The following PPFIA4 variants were observed in gnomAD, a reference collection of about 807,000 sequenced individuals.
The protein encoded by PPFIA4 is liprin-alpha-4.
In PPFIA4, 98 loss-of-function variants were observed where a neutral mutation model predicts 145.7. The ratio of observed to expected loss-of-function variants is 0.67; its 90% CI spans 0.57 to 0.80. The LOEUF is 0.80. Ranked by LOEUF, PPFIA4 falls within the 30% of genes least tolerant of loss-of-function variation. The probability of loss-of-function intolerance (pLI) is 0.00; values close to 1 mark genes in which losing one functional copy is unlikely to be tolerated. For synonymous variants in PPFIA4, 628 were observed against 649.6 expected, an observed-to-expected ratio of 0.97 and a Z score of 0.51; for missense variants, 1,457 against 1,632.7, an observed-to-expected ratio of 0.89 and a Z score of 1.85.
intron 26 of PPFIA4, 51 bp downstream of exon 26, chr1:203,067,843 C>A: frequency 6.4e-7 from 1 of 1,557,126 alleles, no homozygotes; most frequent in Non-Finnish European, 8.8e-7. Flanking sequence ...CTTGGCTGGT[C>A]CCTGCCTTGG....
At chr1:203,061,090 G>A (rs1188327162) in intron 23 of PPFIA4, 58 bp downstream of exon 23, 1 of 1,511,600 alleles carries the variant, frequency 6.6e-7, no homozygotes, top group Non-Finnish European at 9.2e-7. Context: ...ATACTCCCAT[G>A]AGGATGAGGG....
chr1:203,067,472 C>T (rs373342463), intron 25 of PPFIA4: 7 of 507,382 alleles, frequency 1.4e-5, no homozygotes, highest in African/African-American at 7.7e-5. Context: ...CCCAGGCCCG[C>T]TCCCTGACTG....
intron 23 of PPFIA4, 193 bp from the exon 24 acceptor site, chr1:203,061,459 G>GCC (rs927912811): frequency 1.8e-6 from 1 of 562,428 alleles, no homozygotes; most frequent in Non-Finnish European, 3.1e-6. Context: ...ACACACATTT[G>GCC]CCCCACCTCA....
Position 203,076,480 on chromosome 1 carries a change from C to A in PPFIA4, c.*90C>A. 7.7e-7 allele frequency: 1 copy of A among 1,294,194 alleles called. No individual in the cohort carries two copies. Among genetic ancestry groups the A allele is most frequent in the Non-Finnish European group, 1.1e-6 (1 of 905,090 alleles). The allele number at this position is 1,294,194 out of a possible 1,614,324, so 80.2% of individuals were successfully genotyped here. On this transcript the variant is annotated 3_prime_UTR_variant, in exon 30 of 30. Transcript: ENST00000295706. Reference sequence around the variant, plus strand: ...TTGCTCGTTCCCCTTCCTTCCGCAGCTCCTAGTCTCGTCCGTGACTTTCCG... The same window carrying A: ...TTGCTCGTTCCCCTTCCTTCCGCAGATCCTAGTCTCGTCCGTGACTTTCCG...
At position 203,077,460 on chromosome 1, in the gene PPFIA4, G is replaced by A. The variant is rs1436921717; in HGVS notation, c.*1070G>A. On this transcript the variant is annotated 3_prime_UTR_variant, in exon 30 of 30. Transcript: ENST00000295706. The stretch of plus-strand genomic sequence containing the variant: ...GCCCAAAGTCAAGTTTGGGGAAAAG[G>A]CAGACTAAGGCCTCCTTTCTCTGAC... 1 of 152,214 alleles carries A rather than the reference G, an allele frequency of 6.6e-6. No individual in the cohort carries two copies. Among genetic ancestry groups the A allele is most frequent in the Non-Finnish European group, 1.5e-5 (1 of 68,034 alleles). The allele number at this position is 152,214 out of a possible 1,614,324, so 9.4% of individuals were successfully genotyped here. A position where few individuals can be genotyped will look rare whatever the true frequency, so the allele number is the denominator to read the frequency against.
intron 29 of PPFIA4, chr1:203,076,123 C>T: frequency 3.3e-6 from 2 of 610,268 alleles, no homozygotes; most frequent in Non-Finnish European, 5.7e-6. Context: ...TGCTGGCCCT[C>T]GGCCCCACGC....
At chr1:203,063,684 G>T in intron 24 of PPFIA4, 144 bp from the exon 25 acceptor site, 1 of 745,642 alleles carries the variant, frequency 1.3e-6, no homozygotes, top group Non-Finnish European at 2.2e-6. Context: ...CCTTATTGAA[G>T]ATAAACTGAA....
At position 203,076,910 on chromosome 1, in the gene PPFIA4, T is replaced by G. The variant is rs141906918; in HGVS notation, c.*520T>G. Reference sequence around the variant, plus strand: ...CCAGCATCACCACTCTCCCAACCCATCACCGTGACTGCAGTTCCTGCCCCC... The same window carrying G: ...CCAGCATCACCACTCTCCCAACCCAGCACCGTGACTGCAGTTCCTGCCCCC... On this transcript the variant is annotated 3_prime_UTR_variant, in exon 30 of 30. Coordinates refer to ENST00000295706, the MANE Select transcript of PPFIA4 (RefSeq NM_001304331.2). The G allele has an allele frequency of 5.4e-3, 842 of 156,832 alleles. 7 individuals carry two copies. Among genetic ancestry groups the G allele is most frequent in the Non-Finnish European group, 9.3e-3 (660 of 70,684 alleles). The allele number at this position is 156,832 out of a possible 1,614,324, so 9.7% of individuals were successfully genotyped here.
intron 19 of PPFIA4, among the ~76,000 whole-genome samples, chr1:203,057,196 C>T (rs1571713622): frequency 6.6e-6 from 1 of 152,292 alleles, no homozygotes; most frequent in Admixed American, 6.5e-5. Flanking sequence ...CTTTATTTGG[C>T]ATGCTGTGGA....
At chr1:203,045,068 T>C (rs4472812) in intron 6 of PPFIA4, among the ~76,000 whole-genome samples, 67,168 of 152,080 alleles carry the variant, frequency 0.44, 16,080 homozygotes, top group Non-Finnish European at 0.54. Context: ...ATTCCTTCTC[T>C]GTCTGAACCT....
Position 203,075,634 on chromosome 1 carries a change from G to C in PPFIA4, c.3451G>C (p.Glu1151Gln). The C allele has an allele frequency of 2.7e-6, 4 of 1,493,254 alleles. No homozygotes were observed. The highest frequency in any genetic ancestry group is 3.6e-6 in the Non-Finnish European group (4 of 1,120,392). The allele number at this position is 1,493,254 out of a possible 1,614,324, so 92.5% of individuals were successfully genotyped here. Reference sequence around the variant, plus strand: ...CTGGAGGAAGCGCTTCCGGCCGCGGGAGCACCACGGTCGCGGCGGCATGCT... The same window carrying C: ...CTGGAGGAAGCGCTTCCGGCCGCGGCAGCACCACGGTCGCGGCGGCATGCT... Reference protein sequence around the residue: ...PSWRKRFRPREHHGRGGMLSA... With the variant: ...PSWRKRFRPRQHHGRGGMLSA... The change falls in exon 29 of 30, where the codon GAG (glutamate) becomes CAG (glutamine). Residue 1151 changes from glutamate to glutamine, a missense_variant. Glu to Gln is a conservative substitution (Grantham distance 29). This residue lies in a region of PPFIA4 where 146 missense variants were observed against 126.2 expected (regional missense o/e 1.16). Coordinates refer to ENST00000295706, the MANE Select transcript of PPFIA4 (RefSeq NM_001304331.2). The surrounding 1 kb of genome is among the most constrained non-coding windows in gnomAD (Gnocchi z 4.1).
intron 1 of PPFIA4, among the ~76,000 whole-genome samples, chr1:203,029,734 G>C (rs191539846): frequency 2.0e-5 from 3 of 152,284 alleles, no homozygotes; most frequent in Admixed American, 2.0e-4. Flanking sequence ...ATCCCTTTGG[G>C]GGCATTAGAT....
intron 27 of PPFIA4, 105 bp from the exon 28 acceptor site, chr1:203,071,587 C>A (rs963895828): frequency 2.3e-6 from 2 of 864,408 alleles, no homozygotes; most frequent in Non-Finnish European, 3.8e-6. Context: ...TGCACTGGAG[C>A]CTTGCATCTC....
At chr1:203,049,648 C>A (rs544683602) in intron 12 of PPFIA4, 28 bp from the exon 13 acceptor site, 1 of 1,477,564 alleles carries the variant, frequency 6.8e-7, no homozygotes, top group Non-Finnish European at 9.0e-7. Context: ...CCCCCACTCC[C>A]GCCCCCACCC....
Position 203,076,355 on chromosome 1 carries a change from C to T in PPFIA4, c.3589C>T (p.Leu1197Phe). 1.2e-6 allele frequency: 2 copies of T among 1,607,172 alleles called. No individual in the cohort carries two copies. The highest frequency in any genetic ancestry group is 1.7e-6 in the Non-Finnish European group (2 of 1,179,824). Residue 1197 changes from leucine to phenylalanine, a missense_variant, in exon 30 of 30, where the codon CTC becomes TTC. By Grantham distance (22) the Leu-to-Phe change is conservative (BLOSUM62 0). Transcript: ENST00000295706. ...CTCTCCCTCAGCTCACTCCCACTAT[C>T]TCTACGGACACATGCTCTCCGCCTT... ...KIMPEAHSHYLYGHMLSAFRD is the reference protein window; with the variant it reads ...KIMPEAHSHYFYGHMLSAFRD
intron 23 of PPFIA4, 76 bp downstream of exon 23, chr1:203,061,108 G>A (rs931457554): frequency 7.0e-7 from 1 of 1,425,488 alleles, no homozygotes; most frequent in Non-Finnish European, 9.9e-7. Context: ...GGGGAAGGCT[G>A]TGGGCAGTCA....
rs768389330 is a variant in PPFIA4 at position 203,043,920 on chromosome 1, C to G, written c.337-11C>G. On this transcript the variant is annotated splice_polypyrimidine_tract_variant and intron_variant, in intron 3 of 29. Coordinates refer to ENST00000295706, the MANE Select transcript of PPFIA4 (RefSeq NM_001304331.2). This position sits in a 1 kb window ranked among gnomAD's most constrained non-coding sequence, Gnocchi z 4.4. ...GCCCTCCCTCTCACCCTCCCCTGCT[C>G]TCCCTGCCAGCTGCTTCTGGAACAT... 1.3e-5 allele frequency: 21 copies of G among 1,590,620 alleles called. No individual in the cohort carries two copies. Among genetic ancestry groups the G allele is most frequent in the Non-Finnish European group, 1.8e-5 (21 of 1,167,218 alleles).
At position 203,060,348 on chromosome 1, in the gene PPFIA4, C is replaced by T. The variant is rs777452238; in HGVS notation, c.2715C>T (p.Leu905=). 5 of 1,614,038 alleles carry T rather than the reference C, an allele frequency of 3.1e-6. No homozygotes were observed. Among genetic ancestry groups the T allele is most frequent in the Admixed American group, 1.7e-5 (1 of 60,032 alleles). The part of the protein sequence containing the change: ...EIGISNALHR[L]KLRLAIQEMV... ...GCATCAGCAATGCCCTGCACCGGCT[C>T]AAGCTCCGCCTGGCCATTCAGGAGA... is the stretch of plus-strand genomic sequence containing the variant. The change falls in exon 22 of 30, where the codon CTC becomes CTT. Residue 905 remains leucine, a synonymous_variant. Transcript: ENST00000295706. The surrounding 1 kb of genome is among the most constrained non-coding windows in gnomAD (Gnocchi z 4.8).
Position 203,048,080 on chromosome 1 carries a change from C to A in PPFIA4, c.1141-147C>A. On this transcript the variant is annotated intron_variant, in intron 9 of 29. Transcript: ENST00000295706. This position sits in a 1 kb window ranked among gnomAD's most constrained non-coding sequence, Gnocchi z 5.8. The stretch of plus-strand genomic sequence containing the variant: ...AAAGGCAATGGGGATGGTGGTCCTG[C>A]TCCAAGATGATAAGTGGAGGCTGAG... The A allele has an allele frequency of 1.4e-6, 1 of 706,436 alleles. No individual in the cohort carries two copies. Among genetic ancestry groups the A allele is most frequent in the Non-Finnish European group, 2.5e-6 (1 of 405,230 alleles). The allele number at this position is 706,436 out of a possible 1,614,324, so 43.8% of individuals were successfully genotyped here.
Sources: allele counts gnomAD v4.1 joint callset (sites outside exome capture counted in the v4.1 genomes callset), GRCh38; gene constraint gnomAD v4.1.1; regional missense constraint gnomAD v4.1.1; non-coding constraint Gnocchi (gnomAD v3.1); transcripts MANE v1.5; gene names NCBI Gene and HGNC (gene_info 2026-07-23, HGNC 2026-07-21).